Variants in LSM14A observed in about 807,000 individuals in gnomAD.
LSM14A encodes the protein LSM14A mRNA processing body assembly factor, also known as protein LSM14 homolog A.
Under a neutral mutation model 52.4 loss-of-function variants are expected in LSM14A, and 14 were observed. The observed-to-expected ratio is 0.27, with a 90% CI of 0.18 to 0.42. LSM14A has a LOEUF of 0.42. LSM14A is among the 10% of genes least tolerant of loss of function. The pLI, the probability that LSM14A is intolerant of heterozygous loss-of-function variation, is 1.00. For synonymous variants in LSM14A, 185 were observed against 200.3 expected, an observed-to-expected ratio of 0.92 and a Z score of 0.64; for missense variants, 417 against 581.8, an observed-to-expected ratio of 0.72 and a Z score of 2.91.
intron 9 of LSM14A, chr19:34,226,360 T>C (rs1281185513): frequency 5.8e-6 from 8 of 1,387,144 alleles, no homozygotes; most frequent in Non-Finnish European, 7.5e-6. Flanking sequence ...CCCTCTCCTG[T>C]CCCCATCTCT....
In LSM14A at chr19:34,192,632, CAAAAAAAAAAAAAAAAAAAAA is replaced by C. The variant is rs548374017; in HGVS notation, c.122-1831_122-1811del. ...GGCATGAGGCGCTGCATCAGTTCTG[CAAAAAAAAAAAAAAAAAAAAA>C]AAAAAAAAAAAAAAGCGTATGCATT... On this transcript the variant is annotated intron_variant, in intron 1 of 9. Transcript: ENST00000544216. 8.2e-4 allele frequency among the ~76,000 whole-genome samples: 63 copies of C among 76,958 alleles called. 1 individual carries two copies. The East Asian group carries it at 0.017, about 21-fold the overall frequency. The allele number at this position is 76,958 out of a possible 152,430, so 50.5% of individuals were successfully genotyped here.
At chr19:34,173,132 C>T (rs1361626155) in intron 1 of LSM14A, among the ~76,000 whole-genome samples, 44 of 152,250 alleles carry the variant, frequency 2.9e-4, no homozygotes, top group Non-Finnish European at 2.9e-5. Flanking sequence ...TTTTTCCGCC[C>T]AGCTTGAGTT....
At chr19:34,191,222 C>G (rs998242323) in intron 1 of LSM14A, among the ~76,000 whole-genome samples, 2 of 152,038 alleles carry the variant, frequency 1.3e-5, no homozygotes, top group Admixed American at 6.6e-5. Flanking sequence ...GCATGCTACC[C>G]TTTCAATGTT....
At chr19:34,173,877 G>C (rs921622294) in intron 1 of LSM14A, among the ~76,000 whole-genome samples, 1 of 152,100 alleles carries the variant, frequency 6.6e-6, no homozygotes, top group Non-Finnish European at 1.5e-5. Context: ...AACAGATAGG[G>C]GAGTGGTTTC....
chr19:34,198,028 A>G (rs950029521), intron 3 of LSM14A, among the ~76,000 whole-genome samples: 1 of 151,852 alleles, frequency 6.6e-6, no homozygotes, highest in Admixed American at 6.6e-5. Flanking sequence ...TTTAAAAAAA[A>G]ATCGCTTCTC....
rs2073411008 is a variant in LSM14A, at chr19:34,227,675, T to TC, written c.*287_*288insC. ...ACTAAAGCAGTACTTCAGTGGGACT[T>TC]AACAAGTATTTTTTCATCACTGAAA... On this transcript the variant is annotated 3_prime_UTR_variant, in exon 10 of 10. Coordinates refer to ENST00000544216, the MANE Select transcript of LSM14A (RefSeq NM_015578.4). 1 of 340,712 alleles carries TC rather than the reference T, an allele frequency of 2.9e-6. No homozygotes were observed. The highest frequency in any genetic ancestry group is 5.2e-6 in the Non-Finnish European group (1 of 190,878). 21.1% of individuals were successfully genotyped at this position (340,712 alleles called of 1,614,324 possible).
At chr19:34,222,588 A>G (rs2073123916) in intron 9 of LSM14A, among the ~76,000 whole-genome samples, 1 of 152,238 alleles carries the variant, frequency 6.6e-6, no homozygotes, top group South Asian at 2.1e-4. Context: ...GGAAACAGAA[A>G]GACCTGTTAG....
Position 34,223,045 on chromosome 19 carries a change from T to G in LSM14A, c.1368+1307T>G, listed in dbSNP as rs537315254. Among the ~76,000 whole-genome samples the G allele has an allele frequency of 1.7e-4, 26 of 152,260 alleles. No homozygotes were observed. The East Asian group carries it at 5.0e-3, about 29-fold the overall frequency. On this transcript the variant is annotated intron_variant, in intron 9 of 9. Transcript: ENST00000544216. ...AAAATACTCTTCTAGGTTTTCAATT[T>G]ATACTCTTCCTAATTTTTTAATACT...
chr19:34,197,584 G>T (rs1448395643), intron 3 of LSM14A, among the ~76,000 whole-genome samples: 2 of 151,160 alleles, frequency 1.3e-5, no homozygotes, highest in Non-Finnish European at 2.9e-5. Flanking sequence ...GATTACAGGT[G>T]TGCGCCACCA....
At chr19:34,185,247 T>C (rs2069806237) in intron 1 of LSM14A, among the ~76,000 whole-genome samples, 1 of 152,218 alleles carries the variant, frequency 6.6e-6, no homozygotes, top group South Asian at 2.1e-4. Flanking sequence ...AGGTAGTTTT[T>C]TGTCATTGGG....
chr19:34,176,420 A>G lies in LSM14A; in HGVS notation c.121+3657A>G, dbSNP rs191265502. 3.7e-3 allele frequency among the ~76,000 whole-genome samples: 557 copies of G among 152,336 alleles called. 4 individuals carry two copies. Among genetic ancestry groups the G allele is most frequent in the Non-Finnish European group, 6.2e-3 (419 of 68,038 alleles). Reference sequence around the variant, plus strand: ...CACCCAGGGCAAGACAGACATTGCCAGCATCCCAGAAGCCTCCCACCACCT... The same window carrying G: ...CACCCAGGGCAAGACAGACATTGCCGGCATCCCAGAAGCCTCCCACCACCT... On this transcript the variant is annotated intron_variant, in intron 1 of 9. Coordinates refer to ENST00000544216, the MANE Select transcript of LSM14A (RefSeq NM_015578.4).
Position 34,229,120 on chromosome 19 carries a change from C to G in LSM14A, c.*1732C>G, listed in dbSNP as rs1399133994. On this transcript the variant is annotated 3_prime_UTR_variant, in exon 10 of 10. Transcript: ENST00000544216. Reference sequence around the variant, plus strand: ...AGAAAGAAAACTGTAAATACTAGTTCTACTTGCTCTGAAATTATGAGTTTA... The same window carrying G: ...AGAAAGAAAACTGTAAATACTAGTTGTACTTGCTCTGAAATTATGAGTTTA... 1 of 152,218 alleles carries G rather than the reference C, an allele frequency of 6.6e-6. No homozygotes were observed. The highest frequency in any genetic ancestry group is 2.4e-5 in the African/African-American group (1 of 41,454). 9.4% of individuals were successfully genotyped at this position (152,218 alleles called of 1,614,324 possible).
chr19:34,201,009 G>A (rs1391176213), intron 3 of LSM14A, among the ~76,000 whole-genome samples: 1 of 152,044 alleles, frequency 6.6e-6, no homozygotes, highest in Non-Finnish European at 1.5e-5. Context: ...AGTAACTATT[G>A]CTTCTGCCAT....
At position 34,219,847 on chromosome 19, in the gene LSM14A, T is replaced by A; in HGVS notation, c.1106T>A (p.Phe369Tyr). 1.2e-6 allele frequency: 2 copies of A among 1,611,832 alleles called. No individual in the cohort carries two copies. The highest frequency in any genetic ancestry group is 1.7e-6 in the Non-Finnish European group (2 of 1,178,470). Residue 369 changes from phenylalanine (F) to tyrosine (Y), a missense_variant, in exon 8 of 10, where the codon TTC becomes TAC. Physicochemically the swap from Phe to Tyr is conservative, Grantham distance 22 (BLOSUM62 3). Around this residue, in one of 2 missense-constraint regions of LSM14A, gnomAD observed 357 missense variants for 457.0 expected, o/e 0.78. Transcript: ENST00000544216. The part of the protein sequence containing the change: ...PNCYYDKTKS[F>Y]FDNISCDDNR... ...TGCTATTATGACAAAACTAAATCCT[T>A]CTTTGATAATATTTCTTGTGATGAC... is the stretch of plus-strand genomic sequence containing the variant.
chr19:34,216,137 G>A (rs941769658), intron 6 of LSM14A, among the ~76,000 whole-genome samples: 10 of 152,110 alleles, frequency 6.6e-5, no homozygotes, highest in African/African-American at 2.2e-4. Context: ...TTCTGGGCCC[G>A]GCACAGTGGC....
chr19:34,221,919 A>G, intron 9 of LSM14A, 181 bp downstream of exon 9: 1 of 1,253,498 alleles, frequency 8.0e-7, no homozygotes, highest in Non-Finnish European at 1.1e-6. Flanking sequence ...ATACAAAAAA[A>G]GACAGTATAG....
intron 9 of LSM14A, among the ~76,000 whole-genome samples, chr19:34,226,105 T>A (rs576650428): frequency 5.9e-5 from 9 of 152,000 alleles, no homozygotes; most frequent in African/African-American, 1.7e-4. Flanking sequence ...ATGGTAAGTT[T>A]GGTTGTATGG....
chr19:34,215,417 G>A, intron 5 of LSM14A, 117 bp downstream of exon 5: 1 of 1,205,904 alleles, frequency 8.3e-7, no homozygotes, highest in South Asian at 1.5e-5. Context: ...AACTGAATAT[G>A]ATAGAATGTT....
intron 1 of LSM14A, among the ~76,000 whole-genome samples, chr19:34,173,952 T>G (rs1051706669): frequency 6.6e-6 from 1 of 152,088 alleles, no homozygotes; most frequent in Non-Finnish European, 1.5e-5. Flanking sequence ...ATTTATTTAT[T>G]TATTTATTTT....
Sources: gnomAD v4.1 joint callset for allele counts (sites outside exome capture counted in the v4.1 genomes callset) on GRCh38, gnomAD v4.1.1 for gene constraint, gnomAD v4.1.1 regional missense constraint, MANE v1.5 for transcripts, NCBI Gene and HGNC (gene_info 2026-07-23, HGNC 2026-07-21) for gene names.